Variants in CDC23 observed in about 807,000 individuals in gnomAD.
The protein encoded by CDC23 is cell division cycle 23.
A neutral mutation model predicts 81.7 loss-of-function variants in CDC23; 26 were observed. That is an observed-to-expected ratio of 0.32 (90% CI 0.23 to 0.44). The LOEUF is 0.44. Among genes scored for constraint, CDC23 ranks in the 20% least tolerant of loss-of-function variants. The pLI, the probability that CDC23 is intolerant of heterozygous loss-of-function variation, is 1.00. For synonymous variants in CDC23, 267 were observed against 270.8 expected (o/e 0.99, Z 0.14); for missense variants, 519 against 728.0 (o/e 0.71, Z 3.30).
chr5:138,201,993 G>A (rs879721821), intron 4 of CDC23, 120 bp downstream of exon 4: 6 of 692,612 alleles, frequency 8.7e-6, no homozygotes, highest in Non-Finnish European at 1.5e-5. Flanking sequence ...GATAAGCCAG[G>A]TGCTTTCCAA....
rs1468563204 is a variant in CDC23 at position 138,201,137 on chromosome 5, T to C, written c.624A>G (p.Glu208=). The C allele has an allele frequency of 2.5e-6, 4 of 1,614,030 alleles. No individual in the cohort carries two copies. In the African/African-American group the frequency reaches 5.3e-5, roughly 22 times the overall value. ...CTTTGTCTGTGATCAGGTTACAGAG[T>C]TCTAACCAGGCTCCCCAATGCAAGG... ...VLPLHWGAWL[E]LCNLITDKEM... is the part of the protein sequence containing the mutation. Residue 208 remains glutamate (E), a synonymous_variant, in exon 6 of 16, where the codon GAA becomes GAG. Transcript: ENST00000394886.
intron 3 of CDC23, among the ~76,000 whole-genome samples, chr5:138,202,735 AG>A (rs1276687748): frequency 6.6e-6 from 1 of 152,236 alleles, no homozygotes; most frequent in African/African-American, 2.4e-5. Flanking sequence ...AAATGGGGAA[AG>A]GGAGGGAAGG....
At chr5:138,204,111 A>G (rs901160091) in intron 3 of CDC23, among the ~76,000 whole-genome samples, 1 of 152,254 alleles carries the variant, frequency 6.6e-6, no homozygotes, top group African/African-American at 2.4e-5. Flanking sequence ...AATGGTTCAG[A>G]GTAAAACAAT....
chr5:138,203,423 A>G lies in CDC23; in HGVS notation c.373-1268T>C, dbSNP rs192017344. ...TGTGAATCTAAAACTGCTCTAAAAA[A>G]TACTCTATTGATTAAAAAAAAGAAA... On this transcript the variant is annotated intron_variant, in intron 3 of 15. Transcript: ENST00000394886. Among the ~76,000 whole-genome samples, 23 of 152,330 alleles carry G rather than the reference A, an allele frequency of 1.5e-4. 1 individual carries two copies. In the East Asian group the frequency reaches 4.4e-3, roughly 29 times the overall value.
chr5:138,206,771 G>T, intron 2 of CDC23, 87 bp from the exon 3 acceptor site: 2 of 1,296,784 alleles, frequency 1.5e-6, no homozygotes, highest in Non-Finnish European at 2.1e-6. Context: ...ATTTCAAGAT[G>T]TAAAAGAAAA....
chr5:138,189,013 C>T lies in CDC23; in HGVS notation c.1759G>A (p.Val587Ile). ...ACAGAAGACAAGTTGAGTGGAGAAA[C>T]TCTGCGTGTGGGGGTATTGTTAGCA... Reference protein sequence around the residue: ...LSANNTPTRRVSPLNLSSVTP With the variant: ...LSANNTPTRRISPLNLSSVTP The change falls in exon 16 of 16, where the codon GTT (valine) becomes ATT (isoleucine). Residue 587 changes from valine (V) to isoleucine (I), a missense_variant. Around this residue, in one of 4 missense-constraint regions of CDC23, gnomAD observed 38 missense variants for 34.7 expected, o/e 1.10. Coordinates refer to ENST00000394886, the MANE Select transcript of CDC23 (RefSeq NM_004661.4). 6.2e-7 allele frequency: 1 copy of T among 1,613,966 alleles called. No homozygotes were observed. Among genetic ancestry groups the T allele is most frequent in the Non-Finnish European group, 8.5e-7 (1 of 1,179,954 alleles).
chr5:138,212,880 T>A, intron 2 of CDC23, 111 bp downstream of exon 2: 1 of 829,834 alleles, frequency 1.2e-6, no homozygotes. Context: ...GAATTCCCTC[T>A]ACAAACATTT....
At chr5:138,195,725 T>TATATATACATATAATATATATGC in intron 9 of CDC23, among the ~76,000 whole-genome samples, 1 of 57,078 alleles carries the variant, frequency 1.8e-5, no homozygotes, top group East Asian at 4.8e-4. Context: ...TATATATGTA[T>TATATATACATATAATATATATGC]ATATATACAT....
intron 9 of CDC23, among the ~76,000 whole-genome samples, chr5:138,193,104 A>G (rs746631663): frequency 3.3e-5 from 5 of 152,044 alleles, no homozygotes; most frequent in Non-Finnish European, 5.9e-5. Flanking sequence ...TAATTTTTAA[A>G]TTTTTTTGTG....
chr5:138,210,354 A>G (rs1329900804), intron 2 of CDC23, among the ~76,000 whole-genome samples: 2 of 151,020 alleles, frequency 1.3e-5, no homozygotes, highest in African/African-American at 2.4e-5. Flanking sequence ...GTGAAACCCC[A>G]TCTCTACTAA....
rs2231474 is a variant in CDC23, at chr5:138,202,035, T to C, written c.415+78A>G. ...ATGGTTATCCTCAGACCATTCATAT[T>C]ACCTGCCTGGCTGTTGGAGGCATTT... On this transcript the variant is annotated intron_variant, in intron 4 of 15. Transcript: ENST00000394886. 7.3e-3 allele frequency: 7,262 copies of C among 992,094 alleles called. 110 individuals carry two copies. Among genetic ancestry groups the C allele is most frequent in the African/African-American group, 0.052 (3,219 of 61,800 alleles). The allele number at this position is 992,094 out of a possible 1,614,324, so 61.5% of individuals were successfully genotyped here.
chr5:138,206,180 C>T (rs1208739005), intron 3 of CDC23: 3 of 311,716 alleles, frequency 9.6e-6, no homozygotes, highest in African/African-American at 4.3e-5. Context: ...TTTTAATAGC[C>T]ATGAAAGAAA....
chr5:138,193,117 G>T (rs1754844278), intron 9 of CDC23, among the ~76,000 whole-genome samples: 1 of 152,094 alleles, frequency 6.6e-6, no homozygotes, highest in South Asian at 2.1e-4. Context: ...TTTTTGTGGA[G>T]ACAGTCTCCC....
chr5:138,202,673 C>T (rs373295043), intron 3 of CDC23, among the ~76,000 whole-genome samples: 1 of 152,112 alleles, frequency 6.6e-6, no homozygotes, highest in East Asian at 1.9e-4. Flanking sequence ...GAATTATGTA[C>T]AATTAAAAAT....
intron 3 of CDC23, among the ~76,000 whole-genome samples, chr5:138,203,007 T>C (rs1274042740): frequency 2.6e-5 from 4 of 152,106 alleles, no homozygotes; most frequent in Non-Finnish European, 5.9e-5. Context: ...CTTCATCAAA[T>C]GATCAAAATT....
At chr5:138,211,436 T>G (rs1468117804) in intron 2 of CDC23, among the ~76,000 whole-genome samples, 3 of 152,114 alleles carry the variant, frequency 2.0e-5, no homozygotes, top group African/African-American at 7.2e-5. Context: ...CCAAGGTAGG[T>G]GGATCACCTG....
rs771539240 is a variant in CDC23 at position 138,213,288 on chromosome 5, G to A, written c.25C>T (p.Pro9Ser). The A allele has an allele frequency of 1.2e-6, 2 of 1,613,852 alleles. No homozygotes were observed. Among genetic ancestry groups the A allele is most frequent in the South Asian group, 2.2e-5 (2 of 91,058 alleles). The change falls in exon 1 of 16, where the codon CCG (proline) becomes TCG (serine). Residue 9 changes from proline to serine, a missense_variant. Pro to Ser is a moderately conservative substitution (Grantham distance 74, BLOSUM62 -1). Coordinates refer to ENST00000394886, the MANE Select transcript of CDC23 (RefSeq NM_004661.4). MAASTSMVPVAVTAAVAPV... is the reference protein window; with the variant it reads MAASTSMVSVAVTAAVAPV... ...GCCACTGCCGCCGTCACAGCCACCGGGACCATGGAGGTACTCGCAGCCATT... is the reference window on the plus strand; with the variant it reads ...GCCACTGCCGCCGTCACAGCCACCGAGACCATGGAGGTACTCGCAGCCATT...
intron 3 of CDC23, 67 bp downstream of exon 3, chr5:138,206,480 C>T (rs1298325846): frequency 6.4e-7 from 1 of 1,566,392 alleles, no homozygotes; most frequent in African/African-American, 1.4e-5. Flanking sequence ...AAAGATTTAA[C>T]TTTTCCATTG....
intron 2 of CDC23, among the ~76,000 whole-genome samples, chr5:138,212,626 ATT>A (rs1341621402): frequency 1.3e-5 from 2 of 152,136 alleles, no homozygotes; most frequent in African/African-American, 4.8e-5. Flanking sequence ...AAAACTTTTG[ATT>A]CTTCTCATCC....
Sources: gnomAD v4.1 joint callset for allele counts (sites outside exome capture counted in the v4.1 genomes callset) on GRCh38, gnomAD v4.1.1 for gene constraint, gnomAD v4.1.1 regional missense constraint, MANE v1.5 for transcripts, NCBI Gene and HGNC (gene_info 2026-07-23, HGNC 2026-07-21) for gene names.